The following UBAP2 variants were observed in gnomAD, a reference collection of about 807,000 sequenced individuals.
UBAP2 encodes the protein ubiquitin-associated protein 2.
UBAP2 carries 75 observed loss-of-function variants against 139.6 expected under a neutral mutation model. The ratio of observed to expected loss-of-function variants is 0.54; its 90% CI spans 0.45 to 0.65. The LOEUF (loss-of-function observed/expected upper bound fraction) is 0.65. UBAP2 is among the 30% of genes least tolerant of loss of function. The pLI, the probability that UBAP2 is intolerant of heterozygous loss-of-function variation, is 0.00. For missense variants in UBAP2, 1,368 were observed against 1,369.6 expected (o/e 1.00, Z 0.02); for synonymous variants, 526 against 526.2 (o/e 1.00, Z 0.01).
At chr9:33,950,037 A>G (rs1264061487) in intron 12 of UBAP2, among the ~76,000 whole-genome samples, 1 of 151,778 alleles carries the variant, frequency 6.6e-6, no homozygotes, top group Non-Finnish European at 1.5e-5. Flanking sequence ...TCTGAAATAT[A>G]AGTTCTTCAT....
At chr9:34,002,417 C>T (rs902161644) in intron 2 of UBAP2, among the ~76,000 whole-genome samples, 2 of 144,752 alleles carry the variant, frequency 1.4e-5, no homozygotes, top group African/African-American at 5.2e-5. Flanking sequence ...CTCGCTCTGT[C>T]GCCCAGGCTG....
intron 2 of UBAP2, among the ~76,000 whole-genome samples, chr9:34,007,005 A>C (rs1823278457): frequency 6.6e-6 from 1 of 152,184 alleles, no homozygotes. Context: ...ATAAAGGCTA[A>C]TTTTTGTTGT....
intron 9 of UBAP2, 27 bp from the exon 10 acceptor site, chr9:33,960,905 T>C (rs1229064429): frequency 1.2e-6 from 2 of 1,611,624 alleles, no homozygotes; most frequent in African/African-American, 1.3e-5. Flanking sequence ...GCAATCAAAG[T>C]TTATACCACA....
intron 1 of UBAP2, among the ~76,000 whole-genome samples, chr9:34,028,905 A>T (rs1198740499): frequency 6.6e-6 from 1 of 152,104 alleles, no homozygotes; most frequent in Non-Finnish European, 1.5e-5. Flanking sequence ...GCCGCACAGC[A>T]GGAGGTGAGC....
intron 4 of UBAP2, chr9:33,995,466 TAAATATA>T (rs1822096869): frequency 7.2e-6 from 1 of 139,290 alleles, no homozygotes; most frequent in African/African-American, 2.6e-5. Flanking sequence ...TAATATATAT[TAAATATA>T]TAAATATATT....
intron 4 of UBAP2, among the ~76,000 whole-genome samples, chr9:33,993,952 T>C (rs1821933379): frequency 6.8e-6 from 1 of 147,644 alleles, no homozygotes; most frequent in South Asian, 2.1e-4. Context: ...TGGAGTGCAA[T>C]GCCGCGATCT....
intron 2 of UBAP2, among the ~76,000 whole-genome samples, chr9:34,014,843 A>T (rs1157137677): frequency 2.6e-5 from 4 of 151,920 alleles, no homozygotes; most frequent in Non-Finnish European, 5.9e-5. Context: ...TAAAAGGAGG[A>T]CCTAGCCTAA....
chr9:34,038,302 C>T (rs7865495), intron 1 of UBAP2, among the ~76,000 whole-genome samples: 156 of 152,250 alleles, frequency 1.0e-3, no homozygotes, highest in African/African-American at 3.7e-3. Context: ...TACAAGCCTC[C>T]CCTCTCCCCA....
At chr9:33,957,293 A>C (rs1826651116) in intron 10 of UBAP2, among the ~76,000 whole-genome samples, 1 of 152,184 alleles carries the variant, frequency 6.6e-6, no homozygotes, top group African/African-American at 2.4e-5. Flanking sequence ...ATTCAAACCA[A>C]ATAACTGAAT....
At chr9:34,035,234 G>A (rs1826228138) in intron 1 of UBAP2, among the ~76,000 whole-genome samples, 2 of 151,822 alleles carry the variant, frequency 1.3e-5, no homozygotes, top group African/African-American at 4.8e-5. Flanking sequence ...TAGGCGCGGT[G>A]GCTCACGCCT....
At position 33,960,870 on chromosome 9, in the gene UBAP2, T is replaced by C. The variant is rs758151636; in HGVS notation, c.754A>G (p.Lys252Glu). 6.2e-7 allele frequency: 1 copy of C among 1,613,928 alleles called. No individual in the cohort carries two copies. The highest frequency in any genetic ancestry group is 1.1e-5 in the South Asian group (1 of 91,068). ...KSSYGLKGAW[K>E]NSVEEWTTED... Reference sequence around the variant, plus strand: ...GTTGTCCACTCTTCCACAGAATTCTTCCAAGCCCCTGTTGGGAAACAACAG... The same window carrying C: ...GTTGTCCACTCTTCCACAGAATTCTCCCAAGCCCCTGTTGGGAAACAACAG... The change falls in exon 10 of 29, where the codon AAG becomes GAG. Residue 252 changes from lysine (K) to glutamate (E), a missense_variant. By Grantham distance (56) the Lys-to-Glu change is moderately conservative. Coordinates refer to ENST00000379238, the MANE Select transcript of UBAP2 (RefSeq NM_001370062.2).
intron 1 of UBAP2, among the ~76,000 whole-genome samples, chr9:34,042,056 A>G (rs985726404): frequency 4.6e-5 from 7 of 152,174 alleles, no homozygotes; most frequent in Non-Finnish European, 1.0e-4. Context: ...ATAAATCTCA[A>G]GCATGTAAGA....
chr9:33,928,106 T>C, intron 19 of UBAP2, 114 bp from the exon 20 acceptor site: 1 of 1,122,444 alleles, frequency 8.9e-7, no homozygotes, highest in Non-Finnish European at 1.3e-6. Context: ...CAGGCAATGA[T>C]GTAACCACCC....
intron 24 of UBAP2, 74 bp downstream of exon 24, chr9:33,923,713 CCTGCTGGA>C: frequency 1.4e-6 from 2 of 1,433,790 alleles, no homozygotes; most frequent in South Asian, 2.4e-5. Context: ...ACCCTCCCTC[CCTGCTGGA>C]AGATAGGTCC....
Position 33,953,491 on chromosome 9 carries a change from C to T in UBAP2, c.867-17G>A, listed in dbSNP as rs886831860. The T allele has an allele frequency of 1.9e-5, 30 of 1,605,258 alleles. No homozygotes were observed. The highest frequency in any genetic ancestry group is 2.2e-5 in the Non-Finnish European group (26 of 1,175,250). On this transcript the variant is annotated splice_polypyrimidine_tract_variant and intron_variant, in intron 11 of 28. Coordinates refer to ENST00000379238, the MANE Select transcript of UBAP2 (RefSeq NM_001370062.2). ...AGATCAATGCTAAGCAGACAAAAAG[C>T]AATGAGGAACCAGTCATAAGCAAAT...
At chr9:34,025,136 A>G (rs1825300078) in intron 1 of UBAP2, among the ~76,000 whole-genome samples, 1 of 152,184 alleles carries the variant, frequency 6.6e-6, no homozygotes, top group Admixed American at 6.6e-5. Context: ...AAAAATCAAC[A>G]CCTTCAACTA....
chr9:33,937,382 G>T (rs562735635), intron 16 of UBAP2, among the ~76,000 whole-genome samples: 5 of 151,944 alleles, frequency 3.3e-5, no homozygotes, highest in Non-Finnish European at 7.4e-5. Flanking sequence ...CAAGGAGGAC[G>T]TATCATTTGA....
chr9:34,011,995 C>CATT (rs10644494), intron 2 of UBAP2, among the ~76,000 whole-genome samples: 122,562 of 151,828 alleles, frequency 0.81, 49,588 homozygotes, highest in Middle Eastern at 0.87. Context: ...CAAAGATAAA[C>CATT]ATTAACAGTC....
chr9:34,021,603 A>G (rs1026507190), intron 1 of UBAP2, among the ~76,000 whole-genome samples: 2 of 151,614 alleles, frequency 1.3e-5, no homozygotes, highest in Admixed American at 6.6e-5. Context: ...AATGTAAGGC[A>G]TATCTGTATT....
Sources: gnomAD v4.1 joint callset for allele counts (sites outside exome capture counted in the v4.1 genomes callset) on GRCh38, gnomAD v4.1.1 for gene constraint, MANE v1.5 for transcripts, NCBI Gene and HGNC (gene_info 2026-07-23, HGNC 2026-07-21) for gene names.